The following ERICH5 variants were observed in gnomAD, a reference collection of about 807,000 sequenced individuals.
ERICH5 encodes glutamate-rich protein 5.
ERICH5 carries 24 observed loss-of-function variants against 28.0 expected under a neutral mutation model. The ratio of observed to expected loss-of-function variants is 0.86; its 90% CI spans 0.62 to 1.21. The LOEUF is 1.21. ERICH5 is among the 50% of genes most tolerant of loss of function. ERICH5 has a pLI of 0.00. For synonymous variants in ERICH5, 163 were observed against 157.6 expected, an observed-to-expected ratio of 1.03 and a Z score of -0.25; for missense variants, 421 against 441.2, an observed-to-expected ratio of 0.95 and a Z score of 0.41.
chr8:98,064,777 G>C, intron 1 of ERICH5, 50 bp downstream of exon 1: 1 of 1,482,340 alleles, frequency 6.7e-7, no homozygotes, highest in Non-Finnish European at 9.1e-7. Context: ...ACTCGGGTGG[G>C]CTAACTCCCC....
At chr8:98,091,793 T>G (rs1815387045) in intron 2 of ERICH5, among the ~76,000 whole-genome samples, 1 of 152,240 alleles carries the variant, frequency 6.6e-6, no homozygotes, top group Admixed American at 6.5e-5. Flanking sequence ...GGACCACCCT[T>G]TGATTTAGAT....
At chr8:98,079,055 G>T (rs1198411241) in intron 1 of ERICH5, among the ~76,000 whole-genome samples, 2 of 151,898 alleles carry the variant, frequency 1.3e-5, no homozygotes, top group African/African-American at 4.8e-5. Flanking sequence ...TGGGTAAGAG[G>T]TAATGTGTAG....
At chr8:98,091,920 C>T (rs56107045) in intron 2 of ERICH5, among the ~76,000 whole-genome samples, 1,443 of 25,704 alleles carry the variant, frequency 0.056, 23 homozygotes, top group Middle Eastern at 0.11. Flanking sequence ...TTTCTTTCTT[C>T]CTTTCTTTCT....
At chr8:98,079,690 C>T (rs189150679) in intron 1 of ERICH5, among the ~76,000 whole-genome samples, 1 of 152,270 alleles carries the variant, frequency 6.6e-6, no homozygotes, top group African/African-American at 2.4e-5. Flanking sequence ...CAAGCATCCA[C>T]CACCAGCCCG....
chr8:98,088,506 G>T (rs1815320165), intron 1 of ERICH5, among the ~76,000 whole-genome samples: 1 of 152,116 alleles, frequency 6.6e-6, no homozygotes, highest in African/African-American at 2.4e-5. Context: ...AACTGTCTCT[G>T]CTACTTCCCT....
chr8:98,077,115 A>G (rs1324850411), intron 1 of ERICH5, among the ~76,000 whole-genome samples: 4 of 150,636 alleles, frequency 2.7e-5, no homozygotes, highest in Admixed American at 6.7e-5. Flanking sequence ...AAAAAAAAGG[A>G]TGCTATAATT....
intron 1 of ERICH5, among the ~76,000 whole-genome samples, chr8:98,088,820 A>C (rs1815326329): frequency 6.6e-6 from 1 of 152,248 alleles, no homozygotes. Context: ...GAAAAGATGC[A>C]CAAGGAGCAA....
chr8:98,066,892 A>G (rs1030250792), intron 1 of ERICH5, among the ~76,000 whole-genome samples: 2 of 152,212 alleles, frequency 1.3e-5, no homozygotes, highest in Non-Finnish European at 2.9e-5. Flanking sequence ...GCTTGTGTGT[A>G]CATACTTTTA....
At chr8:98,092,565 A>G (rs1032980544) in intron 2 of ERICH5, among the ~76,000 whole-genome samples, 1 of 152,004 alleles carries the variant, frequency 6.6e-6, no homozygotes, top group African/African-American at 2.4e-5. Flanking sequence ...TCAGCTTGCC[A>G]AAGCATTGGG....
chr8:98,070,324 C>G (rs1814889392), intron 1 of ERICH5, among the ~76,000 whole-genome samples: 1 of 151,976 alleles, frequency 6.6e-6, no homozygotes, highest in Non-Finnish European at 1.5e-5. Context: ...CACCACTGTA[C>G]TCCAGCCTGG....
intron 1 of ERICH5, among the ~76,000 whole-genome samples, chr8:98,076,313 C>T (rs559207498): frequency 6.6e-6 from 1 of 151,990 alleles, no homozygotes; most frequent in South Asian, 2.1e-4. Flanking sequence ...CTTGGCCTCC[C>T]AAAGTGCTGG....
intron 2 of ERICH5, among the ~76,000 whole-genome samples, chr8:98,091,356 G>T (rs909674699): frequency 6.6e-6 from 1 of 152,198 alleles, no homozygotes; most frequent in African/African-American, 2.4e-5. Context: ...AGTGTGGGAA[G>T]GCAGGATGTG....
intron 2 of ERICH5, among the ~76,000 whole-genome samples, chr8:98,092,073 A>C (rs993979159): frequency 7.5e-6 from 1 of 132,730 alleles, no homozygotes. Flanking sequence ...ATCACAGCTC[A>C]CTATAATCTC....
rs368512008 is a variant in ERICH5 at position 98,089,072 on chromosome 8, A to G, written c.59-4A>G. On this transcript the variant is annotated splice_polypyrimidine_tract_variant and splice_region_variant and intron_variant, in intron 1 of 2. Transcript: ENST00000318528. ...CTTTTTCTTTTTCAAATGAATAACCAAAGTAACTTCAAATGAGCATTTTTC... is the reference window on the plus strand; with the variant it reads ...CTTTTTCTTTTTCAAATGAATAACCGAAGTAACTTCAAATGAGCATTTTTC... 42 of 1,584,332 alleles carry G rather than the reference A, an allele frequency of 2.7e-5. No homozygotes were observed. The African/African-American group carries it at 4.4e-4, about 16-fold the overall frequency.
chr8:98,073,457 T>TAC (rs1814968833), intron 1 of ERICH5, among the ~76,000 whole-genome samples: 1 of 9,624 alleles, frequency 1.0e-4, no homozygotes, highest in Non-Finnish European at 1.4e-4. Flanking sequence ...TATATATATA[T>TAC]ATGTATATAT....
At position 98,082,336 on chromosome 8, in the gene ERICH5, G is replaced by C. The variant is rs536648293; in HGVS notation, c.59-6740G>C. ...ACACTTGCCTACTTCCAGTGTACCA[G>C]TAAAATTGGGAAAGTTACATAAGAA... On this transcript the variant is annotated intron_variant, in intron 1 of 2. Transcript: ENST00000318528. Among the ~76,000 whole-genome samples the C allele has an allele frequency of 2.0e-5, 3 of 152,226 alleles. No homozygotes were observed. In the South Asian group the frequency reaches 6.2e-4, roughly 32 times the overall value.
chr8:98,089,180 CAAAGGG>C lies in ERICH5; in HGVS notation c.168_173del (p.Arg56_Glu57del). On this transcript the variant is annotated inframe_deletion, in exon 2 of 3. Transcript: ENST00000318528. ...AGAATCTACTGTTGATGGCAATGTACAAAGGGAAAGCCGTCCTCCCTTACAAAAGCT... is the reference window on the plus strand; with the variant it reads ...AGAATCTACTGTTGATGGCAATGTACAAAGCCGTCCTCCCTTACAAAAGCT... The C allele has an allele frequency of 6.2e-7, 1 of 1,614,140 alleles. No homozygotes were observed. Among genetic ancestry groups the C allele is most frequent in the Non-Finnish European group, 8.5e-7 (1 of 1,180,014 alleles).
At chr8:98,073,451 T>C (rs865860220) in intron 1 of ERICH5, among the ~76,000 whole-genome samples, 3 of 12,608 alleles carry the variant, frequency 2.4e-4, no homozygotes, top group African/African-American at 1.9e-3. Flanking sequence ...TATATATATA[T>C]ATATATATGT....
intron 1 of ERICH5, among the ~76,000 whole-genome samples, chr8:98,080,068 TCA>T (rs1413145920): frequency 6.6e-6 from 1 of 152,194 alleles, no homozygotes; most frequent in African/African-American, 2.4e-5. Context: ...CCCACCAACA[TCA>T]CATGCACCCT....
Sources: allele counts gnomAD v4.1 joint callset (sites outside exome capture counted in the v4.1 genomes callset), GRCh38; gene constraint gnomAD v4.1.1; transcripts MANE v1.5; gene names NCBI Gene and HGNC (gene_info 2026-07-23, HGNC 2026-07-21).